The following MTUS1 variants were observed in gnomAD, a reference collection of about 807,000 sequenced individuals.
MTUS1 encodes microtubule-associated tumor suppressor 1.
In MTUS1, 109 loss-of-function variants were observed where a neutral mutation model predicts 120.8. The ratio of observed to expected loss-of-function variants is 0.90; its 90% CI spans 0.77 to 1.06. The LOEUF (loss-of-function observed/expected upper bound fraction) is 1.06, where lower values mean the gene tolerates loss of function less well. MTUS1 is among the 50% of genes least tolerant of loss of function. MTUS1 has a pLI of 0.00. For synonymous variants in MTUS1, 737 were observed against 550.5 expected (o/e 1.34, Z -4.74); for missense variants, 2,210 against 1,486.3 (o/e 1.49, Z -8.01).
intron 1 of MTUS1, among the ~76,000 whole-genome samples, chr8:17,765,003 G>A (rs1389446719): frequency 6.6e-6 from 1 of 152,168 alleles, no homozygotes; most frequent in African/African-American, 2.4e-5. Context: ...ATCAGTGGGA[G>A]CCCTCAGTTT....
chr8:17,675,290 G>A, intron 7 of MTUS1, 38 bp from the exon 8 acceptor site: 1 of 1,598,060 alleles, frequency 6.3e-7, no homozygotes, highest in Non-Finnish European at 8.6e-7. Context: ...ATGCTTTCAA[G>A]AGGGTCCCTT....
At chr8:17,689,935 A>T (rs1004846903) in intron 6 of MTUS1, among the ~76,000 whole-genome samples, 1 of 150,340 alleles carries the variant, frequency 6.7e-6, no homozygotes, top group South Asian at 2.2e-4. Context: ...GGGGGAGGGA[A>T]CTAGAAAAAA....
At chr8:17,769,776 A>T (rs1178799224) in intron 1 of MTUS1, among the ~76,000 whole-genome samples, 2 of 152,110 alleles carry the variant, frequency 1.3e-5, no homozygotes, top group Admixed American at 1.3e-4. Context: ...CTTGCTGTGA[A>T]GACGACATGA....
intron 1 of MTUS1, among the ~76,000 whole-genome samples, chr8:17,798,649 T>C (rs764400320): frequency 9.9e-5 from 15 of 152,158 alleles, no homozygotes; most frequent in Non-Finnish European, 2.1e-4. Context: ...TTTTTTTAAA[T>C]CTTCTACCAC....
Position 17,684,424 on chromosome 8 carries a change from G to T in MTUS1, c.2742C>A (p.Asn914Lys). 1 of 1,614,164 alleles carries T rather than the reference G, an allele frequency of 6.2e-7. No individual in the cohort carries two copies. Among genetic ancestry groups the T allele is most frequent in the Non-Finnish European group, 8.5e-7 (1 of 1,180,034 alleles). ...ELTQYKTKCE[N>K]QSGFILQLKQ... is the part of the protein sequence containing the mutation. ...TGAGCTGCAGGATAAATCCACTTTG[G>T]TTTTCACATTTTGTTTTATATTGCG... The change falls in exon 7 of 15, where the codon AAC becomes AAA. Residue 914 changes from asparagine (N) to lysine (K), a missense_variant. Physicochemically the swap from Asn to Lys is moderately conservative, Grantham distance 94. Coordinates refer to ENST00000693296, the MANE Select transcript of MTUS1 (RefSeq NM_001363059.2).
At chr8:17,777,510 C>G (rs1385115695) in intron 1 of MTUS1, among the ~76,000 whole-genome samples, 1 of 151,672 alleles carries the variant, frequency 6.6e-6, no homozygotes, top group Non-Finnish European at 1.5e-5. Context: ...TAACATAAAT[C>G]CAGGCGCTGT....
intron 1 of MTUS1, among the ~76,000 whole-genome samples, chr8:17,770,094 G>T (rs528799883): frequency 6.6e-6 from 1 of 152,116 alleles, no homozygotes; most frequent in Non-Finnish European, 1.5e-5. Flanking sequence ...ACAGTCATTT[G>T]TAATAATATA....
intron 1 of MTUS1, among the ~76,000 whole-genome samples, chr8:17,787,224 G>A (rs1209408831): frequency 6.6e-6 from 1 of 152,206 alleles, no homozygotes; most frequent in East Asian, 1.9e-4. Context: ...ACAGCCTCCA[G>A]CATGGGTAAA....
In MTUS1 at chr8:17,771,577, C is replaced by T. The variant is rs114839849; in HGVS notation, c.-154-15616G>A. Among the ~76,000 whole-genome samples, 1,056 of 152,254 alleles carry T rather than the reference C, an allele frequency of 6.9e-3. 9 individuals are homozygous for T. The highest frequency in any genetic ancestry group is 0.024 in the African/African-American group (987 of 41,544). On this transcript the variant is annotated intron_variant, in intron 1 of 14. Transcript: ENST00000693296. ...CTTTACAAAATAGTCAGTGTAGTCCCTAAATAAATGTCTTTCAAATTCCAA... is the reference window on the plus strand; with the variant it reads ...CTTTACAAAATAGTCAGTGTAGTCCTTAAATAAATGTCTTTCAAATTCCAA...
chr8:17,703,563 A>G (rs923616148), intron 6 of MTUS1, among the ~76,000 whole-genome samples: 7 of 148,922 alleles, frequency 4.7e-5, no homozygotes, highest in Non-Finnish European at 1.5e-5. Context: ...TGGGAGGCAG[A>G]GCTTGCAGTG....
At chr8:17,677,758 A>G (rs1218847683) in intron 7 of MTUS1, among the ~76,000 whole-genome samples, 1 of 151,682 alleles carries the variant, frequency 6.6e-6, no homozygotes, top group African/African-American at 2.4e-5. Flanking sequence ...GTCATCTTTC[A>G]CTCTTTGTCT....
chr8:17,715,563 C>T (rs1822154313), intron 5 of MTUS1, among the ~76,000 whole-genome samples: 2 of 152,178 alleles, frequency 1.3e-5, no homozygotes, highest in Non-Finnish European at 2.9e-5. Context: ...TGCTGACTTA[C>T]ACGTAATGAT....
At chr8:17,760,136 G>C (rs774996589) in intron 1 of MTUS1, among the ~76,000 whole-genome samples, 8 of 151,016 alleles carry the variant, frequency 5.3e-5, no homozygotes, top group Non-Finnish European at 8.8e-5. Flanking sequence ...GGATCACCTG[G>C]GCCCAGTAGT....
chr8:17,686,095 C>T (rs998732272), intron 6 of MTUS1, among the ~76,000 whole-genome samples: 1 of 152,204 alleles, frequency 6.6e-6, no homozygotes, highest in African/African-American at 2.4e-5. Context: ...TCGCTCATCA[C>T]AGTGTGCTCT....
At chr8:17,749,562 G>A (rs2048024079) in intron 2 of MTUS1, among the ~76,000 whole-genome samples, 1 of 150,682 alleles carries the variant, frequency 6.6e-6, no homozygotes, top group Non-Finnish European at 1.5e-5. Flanking sequence ...TCAAAAGGCT[G>A]AGGCAAGAGA....
intron 1 of MTUS1, among the ~76,000 whole-genome samples, chr8:17,796,393 T>A (rs573102144): frequency 7.6e-5 from 1 of 13,106 alleles, no homozygotes; most frequent in South Asian, 2.5e-3. Context: ...TCAAGATTTA[T>A]ATGCAAATAC....
intron 4 of MTUS1, 196 bp downstream of exon 4, chr8:17,723,476 T>A: frequency 1.5e-6 from 1 of 655,292 alleles, no homozygotes. Flanking sequence ...AAAAATATAC[T>A]TTAACACATA....
At chr8:17,688,521 G>C (rs957263163) in intron 6 of MTUS1, among the ~76,000 whole-genome samples, 1 of 152,358 alleles carries the variant, frequency 6.6e-6, no homozygotes, top group South Asian at 2.1e-4. Flanking sequence ...TCAGAAGCTA[G>C]TGAGAGGTCT....
At chr8:17,653,641 T>C (rs1163732262) in intron 10 of MTUS1, 143 bp from the exon 11 acceptor site, 21 of 625,378 alleles carry the variant, frequency 3.4e-5, no homozygotes, top group East Asian at 6.0e-5. Flanking sequence ...TTTATGTAAA[T>C]TGGCCATCTG....
Sources: allele counts gnomAD v4.1 joint callset (sites outside exome capture counted in the v4.1 genomes callset), GRCh38; gene constraint gnomAD v4.1.1; transcripts MANE v1.5; gene names NCBI Gene and HGNC (gene_info 2026-07-23, HGNC 2026-07-21).